SPATA4: variants seen among roughly 807,000 people sequenced by gnomAD.
The protein encoded by SPATA4 is spermatogenesis-associated protein 4.
A neutral mutation model predicts 31.8 loss-of-function variants in SPATA4; 35 were observed. That is an observed-to-expected ratio of 1.10 (90% CI 0.84 to 1.46). The LOEUF is 1.46. Ranked by LOEUF, SPATA4 falls within the 40% of genes most tolerant of loss-of-function variation. The pLI is 0.00. For synonymous variants in SPATA4, 126 were observed against 132.4 expected (o/e 0.95, Z 0.33); for missense variants, 394 against 363.1 (o/e 1.09, Z -0.69).
intron 4 of SPATA4, among the ~76,000 whole-genome samples, chr4:176,190,355 T>A (rs1752509258): frequency 6.6e-6 from 1 of 152,230 alleles, no homozygotes; most frequent in Non-Finnish European, 1.5e-5. Flanking sequence ...ATATTTATAA[T>A]CTCATTATGG....
chr4:176,185,264 A>G (rs1752422859), intron 5 of SPATA4, among the ~76,000 whole-genome samples: 1 of 152,106 alleles, frequency 6.6e-6, no homozygotes, highest in Non-Finnish European at 1.5e-5. Flanking sequence ...CAGTTTATGG[A>G]GCTCTGATTA....
At chr4:176,191,078 T>C (rs1046822642) in intron 4 of SPATA4, among the ~76,000 whole-genome samples, 1 of 144,890 alleles carries the variant, frequency 6.9e-6, no homozygotes, top group African/African-American at 2.5e-5. Flanking sequence ...AAGAATAATA[T>C]ATAAATAGTA....
At chr4:176,188,516 GTA>G in intron 4 of SPATA4, among the ~76,000 whole-genome samples, 1 of 152,058 alleles carries the variant, frequency 6.6e-6, no homozygotes, top group Non-Finnish European at 1.5e-5. Flanking sequence ...CAAACAGTAA[GTA>G]TAATTCACTC....
At position 176,195,463 on chromosome 4, in the gene SPATA4, C is replaced by T; in HGVS notation, c.100G>A (p.Gly34Arg). The T allele has an allele frequency of 6.2e-7, 1 of 1,614,256 alleles. No homozygotes were observed. The part of the protein sequence containing the change: ...LSPQLAAPIR[G>R]RPKKCLVYPH... ...TAGACCAGACACTTCTTAGGCCTCC[C>T]TCGGATGGGAGCTGCTAGCTGTGGC... The change falls in exon 1 of 6, where the codon GGG becomes AGG. Residue 34 changes from glycine (G) to arginine (R), a missense_variant. Physicochemically the swap from Gly to Arg is moderately radical, Grantham distance 125 (BLOSUM62 -2). Transcript: ENST00000280191.
At position 176,184,775 on chromosome 4, in the gene SPATA4, G is replaced by A. The variant is rs143076076; in HGVS notation, c.*5C>T. ...ACTTCTTCAAAGCCATTTGACAGGTGCTTTTCAAGGTTTCTTGTCCATGTT... is the reference window on the plus strand; with the variant it reads ...ACTTCTTCAAAGCCATTTGACAGGTACTTTTCAAGGTTTCTTGTCCATGTT... On this transcript the variant is annotated 3_prime_UTR_variant, in exon 6 of 6. Coordinates refer to ENST00000280191, the MANE Select transcript of SPATA4 (RefSeq NM_144644.4). 1.3e-3 allele frequency: 1,979 copies of A among 1,567,770 alleles called. 3 individuals carry two copies. Among genetic ancestry groups the A allele is most frequent in the Non-Finnish European group, 1.6e-3 (1,900 of 1,152,572 alleles).
At chr4:176,190,007 T>A (rs28616666) in intron 4 of SPATA4, among the ~76,000 whole-genome samples, 39,163 of 151,942 alleles carry the variant, frequency 0.26, 5,229 homozygotes, top group Admixed American at 0.37. Context: ...AAGCAGCGGG[T>A]ACGTGACTGG....
chr4:176,186,333 G>A (rs1752440715), intron 5 of SPATA4, among the ~76,000 whole-genome samples: 1 of 152,094 alleles, frequency 6.6e-6, no homozygotes, highest in Admixed American at 6.6e-5. Flanking sequence ...AATCATAAGG[G>A]GAACGAGGCA....
chr4:176,189,109 G>C (rs1752488993), intron 4 of SPATA4, among the ~76,000 whole-genome samples: 1 of 152,182 alleles, frequency 6.6e-6, no homozygotes, highest in Non-Finnish European at 1.5e-5. Flanking sequence ...AGAGATACAG[G>C]TTAGTTTTCT....
chr4:176,191,948 T>G (rs533214479), intron 4 of SPATA4, among the ~76,000 whole-genome samples: 112 of 152,274 alleles, frequency 7.4e-4, no homozygotes, highest in Non-Finnish European at 1.3e-3. Context: ...CCCGAATGTT[T>G]GGGTGCCACA....
chr4:176,190,156 G>C (rs1025552828), intron 4 of SPATA4, among the ~76,000 whole-genome samples: 1 of 152,124 alleles, frequency 6.6e-6, no homozygotes, highest in Non-Finnish European at 1.5e-5. Flanking sequence ...GGCCCAGGTC[G>C]CGGCACTGGG....
chr4:176,184,728 T>G lies in SPATA4; in HGVS notation c.*52A>C. On this transcript the variant is annotated 3_prime_UTR_variant, in exon 6 of 6. Coordinates refer to ENST00000280191, the MANE Select transcript of SPATA4 (RefSeq NM_144644.4). ...ATACTAGGTGATTCTGTTTCTTTAT[T>G]ATGGCTAGAGATGGTGGCATCACTT... 1 of 1,043,926 alleles carries G rather than the reference T, an allele frequency of 9.6e-7. No individual in the cohort carries two copies. The highest frequency in any genetic ancestry group is 1.4e-6 in the Non-Finnish European group (1 of 718,298). 64.7% of individuals were successfully genotyped at this position (1,043,926 alleles called of 1,614,324 possible).
chr4:176,187,455 A>G (rs1359673073), intron 5 of SPATA4, among the ~76,000 whole-genome samples: 1 of 152,012 alleles, frequency 6.6e-6, no homozygotes, highest in African/African-American at 2.4e-5. Flanking sequence ...AATACAAAAA[A>G]TTAGCCAGGC....
chr4:176,186,487 G>C (rs937221620), intron 5 of SPATA4, among the ~76,000 whole-genome samples: 1 of 152,190 alleles, frequency 6.6e-6, no homozygotes, highest in Non-Finnish European at 1.5e-5. Flanking sequence ...ACAGAAGAAG[G>C]TTGAGGCAGG....
At chr4:176,192,191 C>T (rs775338130) in intron 4 of SPATA4, among the ~76,000 whole-genome samples, 14 of 152,310 alleles carry the variant, frequency 9.2e-5, no homozygotes, top group East Asian at 1.9e-4. Context: ...CCCCAATCTG[C>T]TCTACCATCT....
At position 176,193,428 on chromosome 4, in the gene SPATA4, A is replaced by G. The variant is rs202182719; in HGVS notation, c.348+25T>C. On this transcript the variant is annotated intron_variant, in intron 2 of 5. Transcript: ENST00000280191. ...TTTAAAACAAACATCTTAACAGTTA[A>G]AAGTGTAAATGACTGCTAACGTACC... 2.4e-4 allele frequency: 384 copies of G among 1,606,442 alleles called. 1 individual carries two copies. In the Middle Eastern group the frequency reaches 2.7e-3, roughly 11 times the overall value.
chr4:176,186,515 T>C (rs1014198575), intron 5 of SPATA4, among the ~76,000 whole-genome samples: 2 of 152,244 alleles, frequency 1.3e-5, no homozygotes, highest in African/African-American at 4.8e-5. Context: ...AGAGGATATA[T>C]TCCTAGAATC....
At chr4:176,194,801 C>T (rs1752588994) in intron 1 of SPATA4, 1 of 139,114 alleles carries the variant, frequency 7.2e-6, no homozygotes, top group South Asian at 2.3e-4. Context: ...GCGGCATAAT[C>T]TCGACTCACA....
chr4:176,191,227 C>G (rs573401102), intron 4 of SPATA4, among the ~76,000 whole-genome samples: 1 of 151,844 alleles, frequency 6.6e-6, no homozygotes. Context: ...TCCCCAGTAG[C>G]TGGGATTACA....
chr4:176,192,709 G>C lies in SPATA4; in HGVS notation c.606C>G (p.Asn202Lys), dbSNP rs776378699. 1 of 1,614,112 alleles carries C rather than the reference G, an allele frequency of 6.2e-7. No individual in the cohort carries two copies. Among genetic ancestry groups the C allele is most frequent in the Non-Finnish European group, 8.5e-7 (1 of 1,179,990 alleles). The change falls in exon 4 of 6, where the codon AAC becomes AAG. Residue 202 changes from asparagine (N) to lysine (K), a missense_variant. Transcript: ENST00000280191. Reference sequence around the variant, plus strand: ...CCGCTTTAAGTTCATTGGTCAGCATGTTGGGATTGCTTAGTAATTCTGATA... The same window carrying C: ...CCGCTTTAAGTTCATTGGTCAGCATCTTGGGATTGCTTAGTAATTCTGATA... ...IRLSELLSNP[N>K]MLTNELKAEF...
Sources: allele counts gnomAD v4.1 joint callset (sites outside exome capture counted in the v4.1 genomes callset), GRCh38; gene constraint gnomAD v4.1.1; transcripts MANE v1.5; gene names NCBI Gene and HGNC (gene_info 2026-07-23, HGNC 2026-07-21).